NSMAF: variants seen among roughly 807,000 people sequenced by gnomAD.
The protein encoded by NSMAF is protein FAN.
A neutral mutation model predicts 134.9 loss-of-function variants in NSMAF; 90 were observed. The ratio of observed to expected loss-of-function variants is 0.67; its 90% CI spans 0.56 to 0.79. NSMAF has a LOEUF of 0.79. NSMAF is among the 30% of genes least tolerant of loss of function. The pLI, the probability that NSMAF is intolerant of heterozygous loss-of-function variation, is 0.00. For synonymous variants in NSMAF, 358 were observed against 389.6 expected (o/e 0.92, Z 0.96); for missense variants, 1,010 against 1,119.0 (o/e 0.90, Z 1.39).
intron 22 of NSMAF, chr8:58,594,932 T>G (rs1239948028): frequency 6.5e-6 from 1 of 154,652 alleles, no homozygotes; most frequent in Non-Finnish European, 1.4e-5. Context: ...TCTGTCGTCA[T>G]GGAGCTAGGT....
intron 26 of NSMAF, among the ~76,000 whole-genome samples, chr8:58,589,096 G>A (rs1368683364): frequency 2.0e-5 from 3 of 149,882 alleles, no homozygotes; most frequent in African/African-American, 7.3e-5. Context: ...ATATCACAAA[G>A]TATGTGATAC....
At chr8:58,597,289 G>T in intron 21 of NSMAF, 98 bp downstream of exon 21, 2 of 1,067,776 alleles carry the variant, frequency 1.9e-6, no homozygotes, top group Non-Finnish European at 2.8e-6. Context: ...TCATCTCTAA[G>T]TAGCACAACA....
In NSMAF at chr8:58,623,230, C is replaced by A; in HGVS notation, c.547G>T (p.Asp183Tyr). 6.2e-7 allele frequency: 1 copy of A among 1,608,224 alleles called. No homozygotes were observed. Among genetic ancestry groups the A allele is most frequent in the South Asian group, 1.1e-5 (1 of 90,730 alleles). Residue 183 changes from aspartate to tyrosine, a missense_variant, in exon 9 of 31, where the codon GAC becomes TAC. Transcript: ENST00000038176. The stretch of plus-strand genomic sequence containing the variant: ...TCATTAGAAACTTACCTGTTTTTGT[C>A]AAATGATGTTCTAGCTAAACGAGAC... ...LQSRLARTSF[D>Y]KNRFQNISEK...
intron 6 of NSMAF, among the ~76,000 whole-genome samples, chr8:58,630,687 G>A (rs1156409123): frequency 6.6e-6 from 1 of 152,208 alleles, no homozygotes; most frequent in Admixed American, 6.6e-5. Flanking sequence ...AGCACCACTT[G>A]AGAATAATTA....
At chr8:58,625,394 A>ACATATATGTATGTATGTATGTATG (rs1806903596) in intron 6 of NSMAF, among the ~76,000 whole-genome samples, 1 of 151,534 alleles carries the variant, frequency 6.6e-6, no homozygotes, top group Non-Finnish European at 1.5e-5. Context: ...ATGTATATGC[A>ACATATATGTATGTATGTATGTATG]TATGTATGTA....
chr8:58,643,393 G>A (rs941439701), intron 1 of NSMAF, among the ~76,000 whole-genome samples: 1 of 152,148 alleles, frequency 6.6e-6, no homozygotes, highest in Non-Finnish European at 1.5e-5. Flanking sequence ...TTCCTACTTA[G>A]GGAATTTTGA....
chr8:58,595,839 T>C (rs1206793501), intron 21 of NSMAF, 180 bp from the exon 22 acceptor site: 15 of 528,814 alleles, frequency 2.8e-5, no homozygotes, highest in East Asian at 1.8e-4. Context: ...AAAAATTGTA[T>C]AGAGAAAGAT....
chr8:58,589,820 G>T lies in NSMAF; in HGVS notation c.2087+187C>A, dbSNP rs938638496. ...ACTTAGAGAAAAACAGACTCCAATTGGAGAAATTATTCAATCTAAGCAATC... is the reference window on the plus strand; with the variant it reads ...ACTTAGAGAAAAACAGACTCCAATTTGAGAAATTATTCAATCTAAGCAATC... On this transcript the variant is annotated intron_variant, in intron 25 of 30. Coordinates refer to ENST00000038176, the MANE Select transcript of NSMAF (RefSeq NM_003580.4). The T allele has an allele frequency of 1.5e-5, 9 of 585,268 alleles. No homozygotes were observed. The African/African-American group carries it at 1.6e-4, about 10-fold the overall frequency. 36.3% of individuals were successfully genotyped at this position (585,268 alleles called of 1,614,324 possible).
Position 58,586,624 on chromosome 8 carries a change from C to T in NSMAF, c.2296-16G>A, listed in dbSNP as rs1252868404. ...TTGTATCTACCTAAGGAAGAAAACA[C>T]ATTGATACATATTCCATTAGATTTA... On this transcript the variant is annotated splice_polypyrimidine_tract_variant and intron_variant, in intron 27 of 30. Transcript: ENST00000038176. 2 of 1,595,256 alleles carry T rather than the reference C, an allele frequency of 1.3e-6. No individual in the cohort carries two copies. Among genetic ancestry groups the T allele is most frequent in the African/African-American group, 2.7e-5 (2 of 74,100 alleles).
At chr8:58,592,896 CAA>C (rs921265025) in intron 23 of NSMAF, among the ~76,000 whole-genome samples, 1 of 113,446 alleles carries the variant, frequency 8.8e-6, no homozygotes, top group African/African-American at 5.0e-5. Context: ...CAAAAAAAAA[CAA>C]AAACAAAAAC....
intron 1 of NSMAF, among the ~76,000 whole-genome samples, chr8:58,655,360 C>A (rs1430940515): frequency 6.6e-6 from 1 of 151,920 alleles, no homozygotes; most frequent in Non-Finnish European, 1.5e-5. Context: ...TAACAATTTG[C>A]CTACTTTAGT....
intron 8 of NSMAF, 27 bp downstream of exon 8, chr8:58,623,350 A>G: frequency 1.2e-6 from 2 of 1,612,326 alleles, no homozygotes; most frequent in Non-Finnish European, 1.7e-6. Flanking sequence ...TTGACAATCA[A>G]AGACAGACAT....
intron 6 of NSMAF, among the ~76,000 whole-genome samples, chr8:58,624,035 AT>A (rs11431046): frequency 0.045 from 4,496 of 98,964 alleles, 108 homozygotes; most frequent in East Asian, 0.2. Flanking sequence ...TAGAGTTAGG[AT>A]TTTTTTTTTT....
intron 1 of NSMAF, among the ~76,000 whole-genome samples, chr8:58,651,192 CT>C (rs915729446): frequency 2.0e-5 from 3 of 152,168 alleles, no homozygotes; most frequent in Admixed American, 2.0e-4. Flanking sequence ...CACATTAATC[CT>C]TTTTTGTTAA....
chr8:58,609,768 T>A (rs1248004197), intron 9 of NSMAF, 35 bp from the exon 10 acceptor site: 2 of 1,608,714 alleles, frequency 1.2e-6, no homozygotes, highest in South Asian at 2.2e-5. Flanking sequence ...GTAAGAAAAA[T>A]CAGAAATTGA....
intron 9 of NSMAF, among the ~76,000 whole-genome samples, chr8:58,614,613 T>C (rs898533698): frequency 1.3e-5 from 2 of 152,238 alleles, no homozygotes; most frequent in African/African-American, 2.4e-5. Flanking sequence ...TTCACACCAC[T>C]GTAAGCTTGC....
rs374565705 is a variant in NSMAF, at chr8:58,599,854, T to A, written c.1349A>T (p.Tyr450Phe). The A allele has an allele frequency of 1.4e-5, 22 of 1,613,776 alleles. No homozygotes were observed. The highest frequency in any genetic ancestry group is 1.9e-5 in the Non-Finnish European group (22 of 1,179,956). ...GACTAGAAAGCTCACATCATCACCA[T>A]AGAATTCTGGAATTAACTGAAAGTT... Reference protein sequence around the residue: ...TDFKELIPEFYGDDVSFLVNS... With the variant: ...TDFKELIPEFFGDDVSFLVNS... The change falls in exon 18 of 31, where the codon TAT becomes TTT. Residue 450 changes from tyrosine (Y) to phenylalanine (F), a missense_variant. Tyr to Phe is a conservative substitution (Grantham distance 22). Transcript: ENST00000038176.
intron 26 of NSMAF, 152 bp from the exon 27 acceptor site, chr8:58,587,853 G>T: frequency 1.5e-6 from 1 of 651,644 alleles, no homozygotes; most frequent in Non-Finnish European, 2.7e-6. Flanking sequence ...TCCTCCCTAT[G>T]CCTGCACTTT....
intron 10 of NSMAF, among the ~76,000 whole-genome samples, chr8:58,609,362 C>T (rs1247200783): frequency 6.6e-6 from 1 of 152,180 alleles, no homozygotes; most frequent in African/African-American, 2.4e-5. Flanking sequence ...TTTCTTTTCA[C>T]CACACTGAGA....
Sources: allele counts gnomAD v4.1 joint callset (sites outside exome capture counted in the v4.1 genomes callset), GRCh38; gene constraint gnomAD v4.1.1; transcripts MANE v1.5; gene names NCBI Gene and HGNC (gene_info 2026-07-23, HGNC 2026-07-21).